BICRA: variants seen among roughly 807,000 people sequenced by gnomAD.
The protein encoded by BICRA is BRD4 interacting chromatin remodeling complex associated protein, also known as BRD4-interacting chromatin-remodeling complex-associated protein.
BICRA carries 31 observed loss-of-function variants against 96.9 expected under a neutral mutation model. That is an observed-to-expected ratio of 0.32 (90% confidence interval 0.24 to 0.43). BICRA has a LOEUF of 0.43. BICRA is among the 20% of genes least tolerant of loss of function. The pLI is 1.00. For synonymous variants in BICRA, 1,350 were observed against 1,071.8 expected (o/e 1.26, Z -5.07); for missense variants, 2,283 against 2,190.3 (o/e 1.04, Z -0.84).
chr19:47,651,212 C>T (rs1489867020), intron 1 of BICRA, among the ~76,000 whole-genome samples: 4 of 152,148 alleles, frequency 2.6e-5, no homozygotes, highest in Non-Finnish European at 5.9e-5. Flanking sequence ...GTCCGGAGCC[C>T]TCCCTCAGCC....
chr19:47,639,983 A>C (rs1376275948), intron 1 of BICRA, among the ~76,000 whole-genome samples: 1 of 151,946 alleles, frequency 6.6e-6, no homozygotes, highest in Non-Finnish European at 1.5e-5. Context: ...GCTCTTATTT[A>C]CCAGGCTCAG....
chr19:47,616,914 C>T (rs772179701), intron 1 of BICRA, among the ~76,000 whole-genome samples: 7 of 150,156 alleles, frequency 4.7e-5, no homozygotes, highest in Admixed American at 2.0e-4. Flanking sequence ...CTGCAACCTC[C>T]GCCTCCCAGG....
rs766259836 is a variant in BICRA at position 47,679,427 on chromosome 19, C to A, written c.257C>A (p.Ala86Glu). 2.0e-6 allele frequency: 3 copies of A among 1,487,880 alleles called. No individual in the cohort carries two copies. Among genetic ancestry groups the A allele is most frequent in the Non-Finnish European group, 2.7e-6 (3 of 1,116,934 alleles). 92.2% of individuals were successfully genotyped at this position (1,487,880 alleles called of 1,614,324 possible). Residue 86 changes from alanine to glutamate, a missense_variant, in exon 6 of 15, where the codon GCG becomes GAG. By Grantham distance (107) the Ala-to-Glu change is moderately radical. Transcript: ENST00000594866. ...GAAGATGACATCCTGGGCTCTCCTG[C>A]GACAGGGGGCGGCGGCGGGGGCAGT... ...FLEDDILGSPATGGGGGGSGG... is the reference protein window; with the variant it reads ...FLEDDILGSPETGGGGGGSGG...
intron 1 of BICRA, among the ~76,000 whole-genome samples, chr19:47,631,092 A>T (rs1390957250): frequency 6.6e-6 from 1 of 151,654 alleles, no homozygotes; most frequent in Non-Finnish European, 1.5e-5. Context: ...ACAGAGTCTG[A>T]CTCTTTTGCC....
chr19:47,693,975 G>A (rs1252819280), intron 7 of BICRA, 140 bp from the exon 8 acceptor site: 25 of 991,562 alleles, frequency 2.5e-5, no homozygotes, highest in Non-Finnish European at 3.5e-5. Flanking sequence ...CAGCCGTGGT[G>A]GGCTCCTCTC....
At chr19:47,642,092 A>G (rs1972393448) in intron 1 of BICRA, among the ~76,000 whole-genome samples, 1 of 152,260 alleles carries the variant, frequency 6.6e-6, no homozygotes, top group African/African-American at 2.4e-5. Context: ...TGACATAAAT[A>G]GAATCACACA....
At position 47,681,375 on chromosome 19, in the gene BICRA, CTG is replaced by C. The variant is rs1973056307; in HGVS notation, c.2106+102_2106+103del. 3.9e-6 allele frequency: 4 copies of C among 1,035,026 alleles called. No individual in the cohort carries two copies. In the South Asian group the frequency reaches 5.8e-5, roughly 15 times the overall value. 64.1% of individuals were successfully genotyped at this position (1,035,026 alleles called of 1,614,324 possible). ...CGCCAAGATCCAAAAGTGGATGCCA[CTG>C]TGGCAGCTGGGGGGGGAAGGTCTCA... is the stretch of plus-strand genomic sequence containing the variant. On this transcript the variant is annotated intron_variant, in intron 6 of 14. Transcript: ENST00000594866.
chr19:47,632,371 G>T (rs1420755475), intron 1 of BICRA, among the ~76,000 whole-genome samples: 2 of 152,248 alleles, frequency 1.3e-5, no homozygotes, highest in African/African-American at 4.8e-5. Context: ...GAGTCAGCCT[G>T]GGGCTGGCTG....
At chr19:47,684,221 C>T (rs980794210) in intron 7 of BICRA, among the ~76,000 whole-genome samples, 8 of 152,088 alleles carry the variant, frequency 5.3e-5, no homozygotes, top group Admixed American at 3.3e-4. Flanking sequence ...CCCACTCCGT[C>T]GCCTAGGCTG....
chr19:47,612,697 G>A (rs1971926973), intron 1 of BICRA, among the ~76,000 whole-genome samples: 1 of 151,734 alleles, frequency 6.6e-6, no homozygotes, highest in African/African-American at 2.4e-5. Context: ...GGTAATACAG[G>A]TGATCTTGCC....
chr19:47,688,897 G>A (rs1973198990), intron 7 of BICRA, among the ~76,000 whole-genome samples: 1 of 151,958 alleles, frequency 6.6e-6, no homozygotes, highest in Non-Finnish European at 1.5e-5. Flanking sequence ...CGCGATCTCG[G>A]CTCACGGCAA....
At position 47,701,258 on chromosome 19, in the gene BICRA, C is replaced by G; in HGVS notation, c.3596-70C>G. 1 of 1,092,470 alleles carries G rather than the reference C, an allele frequency of 9.2e-7. No homozygotes were observed. The allele number at this position is 1,092,470 out of a possible 1,614,324, so 67.7% of individuals were successfully genotyped here. On this transcript the variant is annotated intron_variant, in intron 14 of 14. Coordinates refer to ENST00000594866, the MANE Select transcript of BICRA (RefSeq NM_001394372.1). This position sits in a 1 kb window ranked among gnomAD's most constrained non-coding sequence, Gnocchi z 5.4. Reference sequence around the variant, plus strand: ...GCAGGTAGTAGGTGCTCACTGCACACAGCTCCTCCCAGCTCGGTCGGGGGG... The same window carrying G: ...GCAGGTAGTAGGTGCTCACTGCACAGAGCTCCTCCCAGCTCGGTCGGGGGG...
chr19:47,651,373 C>G (rs1220357812), intron 1 of BICRA, among the ~76,000 whole-genome samples: 1 of 152,108 alleles, frequency 6.6e-6, no homozygotes, highest in Non-Finnish European at 1.5e-5. Context: ...ATTGCATGTC[C>G]TCCTCCTTCT....
Position 47,702,023 on chromosome 19 carries a change from G to C in BICRA, c.4291G>C (p.Glu1431Gln). The change falls in exon 15 of 15, where the codon GAG becomes CAG. Residue 1431 changes from glutamate (E) to glutamine (Q), a missense_variant. Coordinates refer to ENST00000594866, the MANE Select transcript of BICRA (RefSeq NM_001394372.1). ...CGAGGCCACCAGCGGGCTCATCCGC[G>C]AGCTGGCGGCCGTGGAGGACGAGCT... ...VDEATSGLIR[E>Q]LAAVEDELYQ... 1.3e-6 allele frequency: 2 copies of C among 1,489,046 alleles called. No individual in the cohort carries two copies. Among genetic ancestry groups the C allele is most frequent in the Non-Finnish European group, 1.8e-6 (2 of 1,128,524 alleles). 92.2% of individuals were successfully genotyped at this position (1,489,046 alleles called of 1,614,324 possible). A position where few individuals can be genotyped will look rare whatever the true frequency, so the allele number is the denominator to read the frequency against.
At chr19:47,691,482 T>C (rs1973240223) in intron 7 of BICRA, among the ~76,000 whole-genome samples, 1 of 152,190 alleles carries the variant, frequency 6.6e-6, no homozygotes, top group Admixed American at 6.5e-5. Flanking sequence ...TCTCATTCTG[T>C]GTACACTTTT....
intron 1 of BICRA, among the ~76,000 whole-genome samples, chr19:47,657,930 C>CTA (rs397808241): frequency 6.7e-6 from 1 of 148,764 alleles, no homozygotes; most frequent in Non-Finnish European, 1.5e-5. Flanking sequence ...CTCTCTCTCT[C>CTA]GTTTTTTTTT....
chr19:47,628,560 G>A (rs41374344), intron 1 of BICRA, among the ~76,000 whole-genome samples: 6 of 152,046 alleles, frequency 3.9e-5, no homozygotes, highest in South Asian at 4.1e-4. Flanking sequence ...ATAACACGAC[G>A]AAAGTCTTTG....
chr19:47,616,225 G>A (rs959251914), intron 1 of BICRA, among the ~76,000 whole-genome samples: 1 of 152,224 alleles, frequency 6.6e-6, no homozygotes, highest in African/African-American at 2.4e-5. Context: ...CCCAAAAAAT[G>A]TGAGTGGCTG....
rs994638054 is a variant in BICRA, at chr19:47,682,056, C to T, written c.2187C>T (p.Pro729=). ...PASVIVSAPP[P]AQDPAPATPV... is the part of the protein sequence containing the mutation. ...CGGTCATAGTCAGCGCCCCGCCTCC[C>T]GCCCAAGACCCAGCCCCAGCCACCC... The change falls in exon 7 of 15, where the codon CCC becomes CCT. Residue 729 remains proline, a synonymous_variant. Coordinates refer to ENST00000594866, the MANE Select transcript of BICRA (RefSeq NM_001394372.1). 21 of 1,542,116 alleles carry T rather than the reference C, an allele frequency of 1.4e-5. No homozygotes were observed. Among genetic ancestry groups the T allele is most frequent in the South Asian group, 5.9e-5 (5 of 84,826 alleles).
Sources: gnomAD v4.1 joint callset for allele counts (sites outside exome capture counted in the v4.1 genomes callset) on GRCh38, gnomAD v4.1.1 for gene constraint, Gnocchi (gnomAD v3.1) non-coding constraint, MANE v1.5 for transcripts, NCBI Gene and HGNC (gene_info 2026-07-23, HGNC 2026-07-21) for gene names.